The following ZDHHC2 variants were observed in gnomAD, a reference collection of about 807,000 sequenced individuals.
The protein encoded by ZDHHC2 is palmitoyltransferase ZDHHC2.
In ZDHHC2, 51 loss-of-function variants were observed where a neutral mutation model predicts 55.6. The ratio of observed to expected loss-of-function variants is 0.92; its 90% CI spans 0.73 to 1.16. The LOEUF is 1.16. Among genes scored for constraint, ZDHHC2 ranks in the 50% most tolerant of loss-of-function variants. The pLI, the probability that ZDHHC2 is intolerant of heterozygous loss-of-function variation, is 0.00. For synonymous variants in ZDHHC2, 199 were observed against 152.9 expected (o/e 1.30, Z -2.22); for missense variants, 491 against 442.4 (o/e 1.11, Z -0.99).
At chr8:17,203,323 T>A (rs1402236644) in intron 6 of ZDHHC2, among the ~76,000 whole-genome samples, 1 of 152,130 alleles carries the variant, frequency 6.6e-6, no homozygotes, top group African/African-American at 2.4e-5. Flanking sequence ...CTCAGCCTCC[T>A]GGGTTCAAGT....
At position 17,215,966 on chromosome 8, in the gene ZDHHC2, G is replaced by A. The variant is rs927013925; in HGVS notation, c.1063+617G>A. On this transcript the variant is annotated intron_variant, in intron 11 of 12. Transcript: ENST00000262096. ...CCTAGTAGGGTGTGATATGTGTCAC[G>A]TTACCTAACATCTTTTAGACTTAGC... is the stretch of plus-strand genomic sequence containing the variant. Among the ~76,000 whole-genome samples, 10 of 152,190 alleles carry A rather than the reference G, an allele frequency of 6.6e-5. No homozygotes were observed. The East Asian group carries it at 9.6e-4, about 15-fold the overall frequency.
chr8:17,170,547 G>C (rs948910060), intron 1 of ZDHHC2, among the ~76,000 whole-genome samples: 1 of 152,134 alleles, frequency 6.6e-6, no homozygotes, highest in Non-Finnish European at 1.5e-5. Context: ...CTGTACTCTG[G>C]TCATATAGTA....
chr8:17,199,743 G>A (rs149918663), intron 6 of ZDHHC2, among the ~76,000 whole-genome samples: 65 of 115,778 alleles, frequency 5.6e-4, no homozygotes, highest in African/African-American at 1.8e-3. Flanking sequence ...TTCCTTCTTC[G>A]TCCTTCTTCT....
chr8:17,184,581 G>C (rs887282811), intron 1 of ZDHHC2, among the ~76,000 whole-genome samples: 3 of 152,056 alleles, frequency 2.0e-5, no homozygotes, highest in African/African-American at 7.2e-5. Flanking sequence ...GTGCGCAATG[G>C]AGGCATGGCT....
At chr8:17,210,528 C>G (rs765841541) in intron 10 of ZDHHC2, 48 bp downstream of exon 10, 1 of 1,467,186 alleles carries the variant, frequency 6.8e-7, no homozygotes, top group South Asian at 1.3e-5. Context: ...GATATTTTAC[C>G]ATATTGTGTC....
intron 1 of ZDHHC2, among the ~76,000 whole-genome samples, chr8:17,159,542 C>T (rs1804226936): frequency 6.6e-6 from 1 of 152,148 alleles, no homozygotes; most frequent in Admixed American, 6.5e-5. Flanking sequence ...GATAATGATT[C>T]TCATTACAGT....
intron 3 of ZDHHC2, among the ~76,000 whole-genome samples, chr8:17,189,431 G>A (rs1397250705): frequency 2.0e-5 from 3 of 152,174 alleles, no homozygotes; most frequent in East Asian, 3.8e-4. Context: ...CCATAAGGGC[G>A]TGAAATGTAT....
At position 17,220,867 on chromosome 8, in the gene ZDHHC2, A is replaced by G. The variant is rs1266509833; in HGVS notation, c.*646A>G. ...GTTTTCTGCTGGAAAATAAGTGTGG[A>G]CATTGAAGCTTGAGCTCTCAAAGCA... On this transcript the variant is annotated 3_prime_UTR_variant, in exon 13 of 13. Transcript: ENST00000262096. The G allele has an allele frequency of 6.6e-6, 1 of 152,174 alleles. No individual in the cohort carries two copies. The highest frequency in any genetic ancestry group is 2.4e-5 in the African/African-American group (1 of 41,450). 9.4% of individuals were successfully genotyped at this position (152,174 alleles called of 1,614,324 possible). A position where few individuals can be genotyped will look rare whatever the true frequency, so the allele number is the denominator to read the frequency against.
chr8:17,164,616 C>T (rs957567042), intron 1 of ZDHHC2, among the ~76,000 whole-genome samples: 1 of 151,636 alleles, frequency 6.6e-6, no homozygotes, highest in Non-Finnish European at 1.5e-5. Context: ...AAACCTTTTT[C>T]TCTAATTCTT....
At chr8:17,195,218 G>A (rs953858090) in intron 3 of ZDHHC2, among the ~76,000 whole-genome samples, 20 of 151,912 alleles carry the variant, frequency 1.3e-4, no homozygotes, top group Non-Finnish European at 2.5e-4. Context: ...GGAACTCTAC[G>A]GTTTATAAGC....
chr8:17,169,289 A>AT (rs1409494231), intron 1 of ZDHHC2, among the ~76,000 whole-genome samples: 2 of 144,812 alleles, frequency 1.4e-5, no homozygotes, highest in Non-Finnish European at 3.0e-5. Context: ...AGAAAAGCTG[A>AT]TGGGCAGGGG....
chr8:17,210,228 A>T, intron 9 of ZDHHC2, 160 bp from the exon 10 acceptor site: 1 of 1,073,786 alleles, frequency 9.3e-7, no homozygotes, highest in Non-Finnish European at 1.3e-6. Flanking sequence ...AAGTCAGTTA[A>T]TTCATCATCT....
intron 3 of ZDHHC2, among the ~76,000 whole-genome samples, chr8:17,188,508 A>G (rs1303552194): frequency 1.3e-5 from 2 of 152,084 alleles, no homozygotes; most frequent in Non-Finnish European, 2.9e-5. Flanking sequence ...GAAATAATAT[A>G]TTTATTTTCC....
intron 3 of ZDHHC2, 53 bp from the exon 4 acceptor site, chr8:17,195,451 A>C (rs539383956): frequency 6.4e-7 from 1 of 1,552,970 alleles, no homozygotes; most frequent in Admixed American, 1.9e-5. Context: ...GAGAAGACCA[A>C]TATGTTATAA....
chr8:17,199,605 CTTTCTT>C (rs1806609824), intron 6 of ZDHHC2, among the ~76,000 whole-genome samples: 1 of 23,666 alleles, frequency 4.2e-5, no homozygotes, highest in Non-Finnish European at 1.8e-4. Flanking sequence ...CTTCTTTATT[CTTTCTT>C]CTTCTTCTTC....
rs1563176685 is a variant in ZDHHC2, at chr8:17,222,587, CGTTA to C, written c.*2371_*2374del. The stretch of plus-strand genomic sequence containing the variant: ...AAATAGTGTACCAATGCTTCATATA[CGTTA>C]GTTATTTGCTATTATGTAGGGAAGA... On this transcript the variant is annotated 3_prime_UTR_variant, in exon 13 of 13. Transcript: ENST00000262096. 7.2e-5 allele frequency: 11 copies of C among 151,742 alleles called. No homozygotes were observed. In the South Asian group the frequency reaches 1.9e-3, roughly 26 times the overall value. 9.4% of individuals were successfully genotyped at this position (151,742 alleles called of 1,614,324 possible).
At chr8:17,211,696 C>G (rs1054967907) in intron 10 of ZDHHC2, among the ~76,000 whole-genome samples, 3 of 151,978 alleles carry the variant, frequency 2.0e-5, no homozygotes, top group Admixed American at 2.0e-4. Flanking sequence ...ATTTGTCACC[C>G]CATCCCTAGA....
chr8:17,217,196 T>C lies in ZDHHC2; in HGVS notation c.1088T>C (p.Met363Thr), dbSNP rs1426700544. The C allele has an allele frequency of 1.9e-6, 3 of 1,611,448 alleles. No homozygotes were observed. Among genetic ancestry groups the C allele is most frequent in the Non-Finnish European group, 2.5e-6 (3 of 1,178,588 alleles). The change falls in exon 12 of 13, where the codon ATG (methionine) becomes ACG (threonine). Residue 363 changes from methionine to threonine, a missense_variant. Physicochemically the swap from Met to Thr is moderately conservative, Grantham distance 81. Coordinates refer to ENST00000262096, the MANE Select transcript of ZDHHC2 (RefSeq NM_016353.5). ...GGTATGAGCAATCCTGCATTAACCA[T>C]GGAAAATGAGACTTAACTCTTCAAG... ...KAGMSNPALT[M>T]ENET
At chr8:17,211,124 G>A (rs888806349) in intron 10 of ZDHHC2, among the ~76,000 whole-genome samples, 3 of 152,076 alleles carry the variant, frequency 2.0e-5, no homozygotes, top group Non-Finnish European at 2.9e-5. Context: ...CATTCTGAAC[G>A]TGCTACCAAC....
Sources: gnomAD v4.1 joint callset for allele counts (sites outside exome capture counted in the v4.1 genomes callset) on GRCh38, gnomAD v4.1.1 for gene constraint, MANE v1.5 for transcripts, NCBI Gene and HGNC (gene_info 2026-07-23, HGNC 2026-07-21) for gene names.